Variants in CNTNAP2 observed in about 807,000 individuals in gnomAD.
CNTNAP2 encodes contactin-associated protein-like 2.
A neutral mutation model predicts 155.2 loss-of-function variants in CNTNAP2; 98 were observed. That is an observed-to-expected ratio of 0.63 (90% confidence interval 0.54 to 0.75). CNTNAP2 has a LOEUF of 0.75. Ranked by LOEUF, CNTNAP2 falls within the 30% of genes least tolerant of loss-of-function variation. The pLI is 0.00. For missense variants in CNTNAP2, 1,727 were observed against 1,688.1 expected, an observed-to-expected ratio of 1.02 and a Z score of -0.40; for synonymous variants, 651 against 631.2, an observed-to-expected ratio of 1.03 and a Z score of -0.47.
At chr7:148,397,085 C>T (rs1372691541) in intron 22 of CNTNAP2, among the ~76,000 whole-genome samples, 2 of 152,102 alleles carry the variant, frequency 1.3e-5, no homozygotes, top group Non-Finnish European at 2.9e-5. Flanking sequence ...TTGTTTTATC[C>T]TGGAATGGCC....
intron 13 of CNTNAP2, among the ~76,000 whole-genome samples, chr7:147,652,791 CTAA>C (rs1194603340): frequency 2.0e-5 from 3 of 151,896 alleles, no homozygotes; most frequent in Non-Finnish European, 4.4e-5. Context: ...ATGAGGCAAC[CTAA>C]TAAGTTAATC....
chr7:147,196,820 C>T lies in CNTNAP2; in HGVS notation c.1348+64311C>T, dbSNP rs570745826. Among the ~76,000 whole-genome samples, 16 of 152,078 alleles carry T rather than the reference C, an allele frequency of 1.1e-4. No individual in the cohort carries two copies. The East Asian group carries it at 2.9e-3, about 28-fold the overall frequency. ...AAATATACAGCTAAGAGTGTGCAGG[C>T]GAGTGCAATGGTGAGGCTCAAAAGA... is the stretch of plus-strand genomic sequence containing the variant. On this transcript the variant is annotated intron_variant, in intron 8 of 23. Transcript: ENST00000361727.
intron 4 of CNTNAP2, among the ~76,000 whole-genome samples, chr7:147,061,492 C>T (rs900669629): frequency 7.1e-6 from 1 of 141,514 alleles, no homozygotes; most frequent in Non-Finnish European, 1.5e-5. Flanking sequence ...CTAAGTCAAT[C>T]CTGGTTTCAT....
At chr7:146,890,206 A>G (rs2129211292) in intron 3 of CNTNAP2, among the ~76,000 whole-genome samples, 1 of 152,328 alleles carries the variant, frequency 6.6e-6, no homozygotes, top group African/African-American at 2.4e-5. Context: ...GTCTTCTACC[A>G]CGACACACTC....
At chr7:147,332,086 T>G (rs889641568) in intron 9 of CNTNAP2, among the ~76,000 whole-genome samples, 6 of 152,312 alleles carry the variant, frequency 3.9e-5, no homozygotes, top group African/African-American at 1.4e-4. Flanking sequence ...TGTTATTTGC[T>G]TCAAGGTAAA....
chr7:148,037,529 G>C (rs144480965), intron 15 of CNTNAP2, among the ~76,000 whole-genome samples: 1 of 152,146 alleles, frequency 6.6e-6, no homozygotes. Context: ...CTAGCTACTA[G>C]TGTTCCAACT....
At chr7:148,279,846 C>T (rs1167544518) in intron 21 of CNTNAP2, among the ~76,000 whole-genome samples, 1 of 152,132 alleles carries the variant, frequency 6.6e-6, no homozygotes, top group African/African-American at 2.4e-5. Flanking sequence ...TCTAGAGAAT[C>T]GTGCCAATGG....
intron 1 of CNTNAP2, among the ~76,000 whole-genome samples, chr7:146,249,272 G>T (rs548028878): frequency 6.6e-6 from 1 of 152,230 alleles, no homozygotes; most frequent in South Asian, 2.1e-4. Context: ...AAATATTCAT[G>T]ATTATTATTC....
intron 1 of CNTNAP2, among the ~76,000 whole-genome samples, chr7:146,356,476 A>G (rs1263534326): frequency 1.3e-5 from 2 of 152,114 alleles, no homozygotes; most frequent in East Asian, 1.9e-4. Flanking sequence ...CCTGTTCTCA[A>G]TTCCAGCTAC....
chr7:146,533,103 G>T (rs1797794036), intron 1 of CNTNAP2, among the ~76,000 whole-genome samples: 1 of 66,348 alleles, frequency 1.5e-5, no homozygotes, highest in Non-Finnish European at 2.4e-5. Flanking sequence ...GGGAGACCCT[G>T]TCTCAAAAAA....
chr7:147,633,057 C>T (rs28896833), intron 12 of CNTNAP2, among the ~76,000 whole-genome samples: 13,685 of 152,262 alleles, frequency 0.09, 1,710 homozygotes, highest in African/African-American at 0.26. Context: ...GAAATTTGCA[C>T]AAGCAGCCCA....
chr7:146,142,717 C>A (rs907985386), intron 1 of CNTNAP2, among the ~76,000 whole-genome samples: 3 of 152,098 alleles, frequency 2.0e-5, no homozygotes, highest in African/African-American at 7.2e-5. Context: ...TCTTCTAATT[C>A]TGTGTAAAAT....
chr7:147,910,980 T>C (rs1008634287), intron 14 of CNTNAP2, among the ~76,000 whole-genome samples: 4 of 152,212 alleles, frequency 2.6e-5, no homozygotes, highest in African/African-American at 7.2e-5. Context: ...ATGAACTATC[T>C]TAACCATTTT....
intron 1 of CNTNAP2, among the ~76,000 whole-genome samples, chr7:146,496,403 T>C (rs778264984): frequency 8.5e-5 from 13 of 152,234 alleles, no homozygotes. Context: ...TAGCAAATGA[T>C]GATAAATACA....
chr7:146,940,680 A>G (rs1231891220), intron 3 of CNTNAP2, among the ~76,000 whole-genome samples: 5 of 141,104 alleles, frequency 3.5e-5, no homozygotes, highest in Admixed American at 6.9e-5. Context: ...ACATTAGTGT[A>G]GTAAATATAT....
chr7:147,394,707 T>C (rs576042376), intron 9 of CNTNAP2, among the ~76,000 whole-genome samples: 1 of 151,952 alleles, frequency 6.6e-6, no homozygotes, highest in Admixed American at 6.6e-5. Flanking sequence ...ATAATAGTAA[T>C]TGATTGGTGG....
At chr7:148,104,970 A>G (rs79988425) in intron 15 of CNTNAP2, among the ~76,000 whole-genome samples, 1 of 151,982 alleles carries the variant, frequency 6.6e-6, no homozygotes, top group Admixed American at 6.6e-5. Flanking sequence ...CAAATTTATT[A>G]AAAAAAACAC....
intron 18 of CNTNAP2, among the ~76,000 whole-genome samples, chr7:148,175,112 T>G (rs1394086058): frequency 6.6e-6 from 1 of 152,222 alleles, no homozygotes; most frequent in Admixed American, 6.5e-5. Context: ...CTGCATAGTA[T>G]TCCATGTTGT....
chr7:147,490,832 C>A (rs960227245), intron 11 of CNTNAP2, among the ~76,000 whole-genome samples: 3 of 152,138 alleles, frequency 2.0e-5, no homozygotes, highest in Non-Finnish European at 1.5e-5. Context: ...AGGAAACTTA[C>A]CATCATGGTG....
Sources: gnomAD v4.1 joint callset for allele counts (sites outside exome capture counted in the v4.1 genomes callset) on GRCh38, gnomAD v4.1.1 for gene constraint, MANE v1.5 for transcripts, NCBI Gene and HGNC (gene_info 2026-07-23, HGNC 2026-07-21) for gene names.